The following POU3F3 variants were observed in gnomAD, a reference collection of about 807,000 sequenced individuals.
POU3F3 encodes the protein POU domain, class 3, transcription factor 3.
In POU3F3, 1 loss-of-function variant was observed where a neutral mutation model predicts 8.6. That is an observed-to-expected ratio of 0.12 (90% CI 0.04 to 0.55). The LOEUF is 0.55. Among genes scored for constraint, POU3F3 ranks in the 20% least tolerant of loss-of-function variants. POU3F3 has a pLI of 0.91. For synonymous variants in POU3F3, 418 were observed against 327.4 expected, an observed-to-expected ratio of 1.28 and a Z score of -2.99; for missense variants, 577 against 690.7, an observed-to-expected ratio of 0.84 and a Z score of 1.84.
At chr2:104,881,584 T>C in the POU3F3 span, among the ~76,000 whole-genome samples, 2 of 152,140 alleles carry the variant, frequency 1.3e-5, no homozygotes, top group Non-Finnish European at 2.9e-5. Context: ...TCTACACACA[T>C]ACACACACAT....
chr2:104,855,293 CGCGGCGGCGGCG>C lies in POU3F3; in HGVS notation c.-207_-196del, dbSNP rs972877629. Reference sequence around the variant, plus strand: ...CGGCCTTGCAGCTGCAGCCGGGGGCCGCGGCGGCGGCGGCGGCGGCGGGGGCGGAGGCGGCGG... The same window carrying C: ...CGGCCTTGCAGCTGCAGCCGGGGGCCGCGGCGGCGGGGGCGGAGGCGGCGG... On this transcript the variant is annotated 5_prime_UTR_variant, in exon 1 of 1. Transcript: ENST00000361360. Among the ~76,000 whole-genome samples, 1 of 146,518 alleles carries C rather than the reference CGCGGCGGCGGCG, an allele frequency of 6.8e-6. No individual in the cohort carries two copies. Among genetic ancestry groups the C allele is most frequent in the African/African-American group, 2.5e-5 (1 of 40,582 alleles).
chr2:104,887,678 C>T, the POU3F3 span, among the ~76,000 whole-genome samples: 32 of 152,168 alleles, frequency 2.1e-4, 1 homozygote, highest in Non-Finnish European at 2.9e-5. Context: ...CATTTGTGAC[C>T]TCAAGAGAGC....
chr2:104,884,940 C>A, the POU3F3 span, among the ~76,000 whole-genome samples: 1 of 152,094 alleles, frequency 6.6e-6, no homozygotes, highest in African/African-American at 2.4e-5. Context: ...GTGTCTGATA[C>A]GGCTCCTCAC....
the POU3F3 span, among the ~76,000 whole-genome samples, chr2:104,899,833 G>A: frequency 1.3e-5 from 2 of 152,310 alleles, no homozygotes; most frequent in East Asian, 3.9e-4. Flanking sequence ...TGCCATGCAT[G>A]GCCAACAGCA....
At position 104,856,280 on chromosome 2, in the gene POU3F3, C is replaced by T. The variant is rs1182833302; in HGVS notation, c.770C>T (p.Pro257Leu). 1.4e-6 allele frequency: 2 copies of T among 1,462,386 alleles called. No homozygotes were observed. The highest frequency in any genetic ancestry group is 2.7e-5 in the East Asian group (1 of 37,686). 90.6% of individuals were successfully genotyped at this position (1,462,386 alleles called of 1,614,324 possible). ...GGTGGAGCCCAGAGCTTGGTGCACCCGGGGCTGGTGCGCGGGGACACGCCA... is the reference window on the plus strand; with the variant it reads ...GGTGGAGCCCAGAGCTTGGTGCACCTGGGGCTGGTGCGCGGGGACACGCCA... ...AGGGAQSLVH[P>L]GLVRGDTPEL... Residue 257 changes from proline to leucine, a missense_variant, in exon 1 of 1, where the codon CCG becomes CTG. By Grantham distance (98) the Pro-to-Leu change is moderately conservative. Transcript: ENST00000361360.
chr2:104,925,040 G>A, the POU3F3 span, among the ~76,000 whole-genome samples: 1 of 152,284 alleles, frequency 6.6e-6, no homozygotes, highest in Non-Finnish European at 1.5e-5. Context: ...TTGCAATTTA[G>A]GTTCTATCAT....
At chr2:104,859,290 C>G (rs567140513), downstream of POU3F3, among the ~76,000 whole-genome samples, 163 of 152,086 alleles carry the variant, frequency 1.1e-3, 2 homozygotes, top group Non-Finnish European at 1.3e-3. Context: ...TTTACTGGTG[C>G]TGGGGGTTTT....
the POU3F3 span, among the ~76,000 whole-genome samples, chr2:104,890,355 T>A: frequency 1.3e-5 from 2 of 151,976 alleles, no homozygotes; most frequent in African/African-American, 2.4e-5. Flanking sequence ...CTTCTAGGTG[T>A]CCGCGAGCCT....
At chr2:104,862,853 T>C (rs930177855), downstream of POU3F3, among the ~76,000 whole-genome samples, 2 of 152,166 alleles carry the variant, frequency 1.3e-5, no homozygotes, top group African/African-American at 2.4e-5. Context: ...TTTGGATCAC[T>C]GCAACTTCTG....
chr2:104,898,222 C>T, the POU3F3 span, among the ~76,000 whole-genome samples: 1 of 152,200 alleles, frequency 6.6e-6, no homozygotes, highest in African/African-American at 2.4e-5. Flanking sequence ...GAGCACCTCA[C>T]CAGGTCCCAG....
the POU3F3 span, among the ~76,000 whole-genome samples, chr2:104,922,409 AAAAG>A: frequency 6.6e-6 from 1 of 151,420 alleles, no homozygotes; most frequent in African/African-American, 2.4e-5. Context: ...AAAAAAAAAA[AAAAG>A]AAAGGAAATC....
At chr2:104,884,411 G>A in the POU3F3 span, among the ~76,000 whole-genome samples, 50 of 152,162 alleles carry the variant, frequency 3.3e-4, no homozygotes, top group Admixed American at 6.5e-5. Flanking sequence ...GGCTCACATC[G>A]ACACCGCAGG....
chr2:104,872,174 G>T, the POU3F3 span: 1 of 452,976 alleles, frequency 2.2e-6, no homozygotes, highest in African/African-American at 2.0e-5. This position sits in a 1 kb window ranked among gnomAD's most constrained non-coding sequence, Gnocchi z 4.6. Flanking sequence ...GGGATGCCCT[G>T]CGCCCGCCGG....
the POU3F3 span, among the ~76,000 whole-genome samples, chr2:104,883,772 G>A: frequency 6.6e-6 from 1 of 152,188 alleles, no homozygotes; most frequent in East Asian, 1.9e-4. Context: ...GGTTCTGAAT[G>A]CTGGGAGGCT....
the POU3F3 span, among the ~76,000 whole-genome samples, chr2:104,877,191 C>T: frequency 2.6e-5 from 4 of 152,134 alleles, no homozygotes; most frequent in Non-Finnish European, 4.4e-5. Context: ...CTTTGTAGTG[C>T]TTGGATCCAA....
At chr2:104,888,079 T>G in the POU3F3 span, among the ~76,000 whole-genome samples, 1 of 152,122 alleles carries the variant, frequency 6.6e-6, no homozygotes, top group Non-Finnish European at 1.5e-5. Flanking sequence ...CTTTCAAGAG[T>G]GCATCCATTT....
At chr2:104,887,233 G>C in the POU3F3 span, among the ~76,000 whole-genome samples, 3 of 152,154 alleles carry the variant, frequency 2.0e-5, no homozygotes, top group Non-Finnish European at 4.4e-5. Context: ...TGTTTTATCA[G>C]CAAGGTCTTT....
At chr2:104,880,730 C>T in the POU3F3 span, among the ~76,000 whole-genome samples, 63 of 152,262 alleles carry the variant, frequency 4.1e-4, no homozygotes, top group Non-Finnish European at 6.6e-4. Context: ...TGTCCCAGTC[C>T]TCTGGGAGTT....
rs1173481197 is a variant in POU3F3, at chr2:104,858,049, C to T, written c.*1036C>T. 6.6e-6 allele frequency: 1 copy of T among 152,182 alleles called. No individual in the cohort carries two copies. Among genetic ancestry groups the T allele is most frequent in the African/African-American group, 2.4e-5 (1 of 41,452 alleles). 9.4% of individuals were successfully genotyped at this position (152,182 alleles called of 1,614,324 possible). On this transcript the variant is annotated 3_prime_UTR_variant, in exon 1 of 1. Transcript: ENST00000361360. ...TCAGGGTGGACGATGCCTAAAGATT[C>T]CACCGCTAATATTTTTTTTATTAAT... is the stretch of plus-strand genomic sequence containing the variant.
Sources: allele counts gnomAD v4.1 joint callset (sites outside exome capture counted in the v4.1 genomes callset), GRCh38; gene constraint gnomAD v4.1.1; non-coding constraint Gnocchi (gnomAD v3.1); transcripts MANE v1.5; gene names NCBI Gene and HGNC (gene_info 2026-07-23, HGNC 2026-07-21).